CLCA2: variants seen among roughly 807,000 people sequenced by gnomAD.
The protein encoded by CLCA2 is chloride channel accessory 2, also known as calcium-activated chloride channel regulator 2.
CLCA2 carries 85 observed loss-of-function variants against 82.9 expected under a neutral mutation model. That is an observed-to-expected ratio of 1.03 (90% confidence interval 0.86 to 1.23). The LOEUF (loss-of-function observed/expected upper bound fraction) is 1.23, where lower values mean the gene tolerates loss of function less well. Ranked by LOEUF, CLCA2 falls within the 50% of genes most tolerant of loss-of-function variation. The pLI is 0.00. For missense variants in CLCA2, 1,089 were observed against 1,124.8 expected, an observed-to-expected ratio of 0.97 and a Z score of 0.45; for synonymous variants, 421 against 391.7, an observed-to-expected ratio of 1.07 and a Z score of -0.88.
At chr1:86,434,398 C>A in intron 5 of CLCA2, 120 bp from the exon 6 acceptor site, 6 of 747,258 alleles carry the variant, frequency 8.0e-6, no homozygotes, top group South Asian at 1.8e-5. Flanking sequence ...ATCACTGTAC[C>A]ACTTTTGATT....
chr1:86,425,370 T>C lies in CLCA2; in HGVS notation c.218T>C (p.Phe73Ser), dbSNP rs751723158. 1.3e-6 allele frequency: 2 copies of C among 1,572,560 alleles called. No homozygotes were observed. Among genetic ancestry groups the C allele is most frequent in the Non-Finnish European group, 1.7e-6 (2 of 1,160,076 alleles). Residue 73 changes from phenylalanine to serine, a missense_variant, in exon 2 of 14, where the codon TTT becomes TCT. Transcript: ENST00000370565. ...ATAACTGAAGCTTCATTTTACCTAT[T>C]TAATGCTACCAAGAGAAGAGTATTT... ...EMITEASFYL[F>S]NATKRRVFFR...
rs781734087 is a variant in CLCA2 at position 86,430,975 on chromosome 1, G to C, written c.584+5G>C. On this transcript the variant is annotated splice_donor_5th_base_variant and intron_variant, in intron 4 of 13. Coordinates refer to ENST00000370565, the MANE Select transcript of CLCA2 (RefSeq NM_006536.7). ...AAATCAAATTAAAGTGACAAGGTTA[G>C]TACTTTTTTTCATGTTATAATTCAT... 1 of 1,584,382 alleles carries C rather than the reference G, an allele frequency of 6.3e-7. No homozygotes were observed. Among genetic ancestry groups the C allele is most frequent in the Non-Finnish European group, 8.6e-7 (1 of 1,156,750 alleles).
At chr1:86,424,959 T>C (rs2101686773) in intron 1 of CLCA2, among the ~76,000 whole-genome samples, 1 of 152,292 alleles carries the variant, frequency 6.6e-6, no homozygotes, top group African/African-American at 2.4e-5. Flanking sequence ...GGGAGGATCA[T>C]AGCTCTATGA....
chr1:86,452,393 G>A (rs1662990659), intron 12 of CLCA2, among the ~76,000 whole-genome samples: 2 of 151,806 alleles, frequency 1.3e-5, no homozygotes, highest in Non-Finnish European at 2.9e-5. Flanking sequence ...TGCTTGCTGT[G>A]CTTTAATTCA....
rs768834782 is a variant in CLCA2 at position 86,440,200 on chromosome 1, C to T, written c.1256C>T (p.Thr419Ile). 2.5e-6 allele frequency: 4 copies of T among 1,614,058 alleles called. No individual in the cohort carries two copies. The highest frequency in any genetic ancestry group is 2.5e-6 in the Non-Finnish European group (3 of 1,179,980). Reference sequence around the variant, plus strand: ...TATGGCTCTGTGATGATATTAGTGACCAGCGGAGATGATAAGCTTCTTGGC... The same window carrying T: ...TATGGCTCTGTGATGATATTAGTGATCAGCGGAGATGATAAGCTTCTTGGC... Reference protein sequence around the residue: ...KAYGSVMILVTSGDDKLLGNC... With the variant: ...KAYGSVMILVISGDDKLLGNC... The change falls in exon 8 of 14, where the codon ACC becomes ATC. Residue 419 changes from threonine to isoleucine, a missense_variant. By Grantham distance (89) the Thr-to-Ile change is moderately conservative. Coordinates refer to ENST00000370565, the MANE Select transcript of CLCA2 (RefSeq NM_006536.7).
chr1:86,425,381 A>G lies in CLCA2; in HGVS notation c.229A>G (p.Lys77Glu). 1 of 1,579,810 alleles carries G rather than the reference A, an allele frequency of 6.3e-7. No homozygotes were observed. Among genetic ancestry groups the G allele is most frequent in the South Asian group, 1.2e-5 (1 of 83,922 alleles). The change falls in exon 2 of 14, where the codon AAG becomes GAG. Residue 77 changes from lysine to glutamate, a missense_variant. Coordinates refer to ENST00000370565, the MANE Select transcript of CLCA2 (RefSeq NM_006536.7). Reference protein sequence around the residue: ...EASFYLFNATKRRVFFRNIKI... With the variant: ...EASFYLFNATERRVFFRNIKI... Reference sequence around the variant, plus strand: ...TTCATTTTACCTATTTAATGCTACCAAGAGAAGAGTATTTTTCAGAAATAT... The same window carrying G: ...TTCATTTTACCTATTTAATGCTACCGAGAGAAGAGTATTTTTCAGAAATAT...
intron 7 of CLCA2, 78 bp from the exon 8 acceptor site, chr1:86,440,070 G>C: frequency 7.0e-7 from 1 of 1,432,388 alleles, no homozygotes; most frequent in Non-Finnish European, 9.7e-7. Context: ...GTGGGAATTT[G>C]GATGAGAGTG....
At chr1:86,454,800 C>CA (rs1553185548) in intron 13 of CLCA2, among the ~76,000 whole-genome samples, 32 of 149,004 alleles carry the variant, frequency 2.1e-4, no homozygotes, top group African/African-American at 7.4e-4. Context: ...TCAAACAAAA[C>CA]AAAACAAAAA....
chr1:86,440,358 C>T (rs1236673528), intron 8 of CLCA2, 33 bp downstream of exon 8: 1 of 1,584,214 alleles, frequency 6.3e-7, no homozygotes, highest in Non-Finnish European at 8.6e-7. Flanking sequence ...TCTTTTGGAG[C>T]ATGTCCCTTT....
At chr1:86,455,008 C>A (rs1041161365) in intron 13 of CLCA2, 77 bp from the exon 14 acceptor site, 2 of 826,818 alleles carry the variant, frequency 2.4e-6, no homozygotes, top group Admixed American at 3.4e-5. Flanking sequence ...TGTTGCTGTT[C>A]TCATTAGTAA....
chr1:86,434,461 A>C (rs564742773), intron 5 of CLCA2, 57 bp from the exon 6 acceptor site: 15 of 1,424,674 alleles, frequency 1.1e-5, no homozygotes, highest in Non-Finnish European at 1.5e-5. Flanking sequence ...GAGAATGAGA[A>C]CTATGTTTGC....
intron 4 of CLCA2, 120 bp downstream of exon 4, chr1:86,431,090 C>A: frequency 1.5e-6 from 1 of 658,354 alleles, no homozygotes; most frequent in Non-Finnish European, 2.6e-6. Context: ...TAAAACTTAG[C>A]TGATAAGAAA....
At position 86,432,382 on chromosome 1, in the gene CLCA2, A is replaced by G; in HGVS notation, c.598A>G (p.Ile200Val). 2 of 1,613,826 alleles carry G rather than the reference A, an allele frequency of 1.2e-6. No individual in the cohort carries two copies. Among genetic ancestry groups the G allele is most frequent in the African/African-American group, 2.7e-5 (2 of 75,016 alleles). ...QIKVTRCSSD[I>V]TGIFVCEKGP... ...TTCCATTTTTAGGTGTTCATCTGACATCACAGGCATTTTTGTGTGTGAAAA... is the reference window on the plus strand; with the variant it reads ...TTCCATTTTTAGGTGTTCATCTGACGTCACAGGCATTTTTGTGTGTGAAAA... Residue 200 changes from isoleucine (I) to valine (V), a missense_variant, in exon 5 of 14, where the codon ATC becomes GTC. Physicochemically the swap from Ile to Val is conservative, Grantham distance 29. Transcript: ENST00000370565.
Position 86,432,396 on chromosome 1 carries a change from T to C in CLCA2, c.612T>C (p.Phe204=), listed in dbSNP as rs759535673. The change falls in exon 5 of 14, where the codon TTT becomes TTC. Residue 204 remains phenylalanine (F), a synonymous_variant. Coordinates refer to ENST00000370565, the MANE Select transcript of CLCA2 (RefSeq NM_006536.7). ...GTTCATCTGACATCACAGGCATTTT[T>C]GTGTGTGAAAAAGGTCCTTGCCCCC... is the stretch of plus-strand genomic sequence containing the variant. ...TRCSSDITGI[F]VCEKGPCPQE... is the part of the protein sequence containing the mutation. 7 of 1,613,852 alleles carry C rather than the reference T, an allele frequency of 4.3e-6. No homozygotes were observed. In the South Asian group the frequency reaches 5.5e-5, roughly 13 times the overall value.
chr1:86,433,550 G>C (rs1335847266), intron 5 of CLCA2, among the ~76,000 whole-genome samples: 3 of 152,026 alleles, frequency 2.0e-5, no homozygotes, highest in Non-Finnish European at 4.4e-5. Context: ...CATTATTTAT[G>C]ACTAGGTACT....
At position 86,447,546 on chromosome 1, in the gene CLCA2, T is replaced by C; in HGVS notation, c.1752T>C (p.His584=). 6.2e-7 allele frequency: 1 copy of C among 1,614,170 alleles called. No individual in the cohort carries two copies. The highest frequency in any genetic ancestry group is 8.5e-7 in the Non-Finnish European group (1 of 1,180,010). ...CTTACACCCTGAACAATACCCATCA[T>C]TCTCTGCAAGCCCTGAAAGTGACAG... The part of the protein sequence containing the change: ...HWTYTLNNTH[H]SLQALKVTVT... The change falls in exon 11 of 14, where the codon CAT becomes CAC. Residue 584 remains histidine (H), a synonymous_variant. Coordinates refer to ENST00000370565, the MANE Select transcript of CLCA2 (RefSeq NM_006536.7).
chr1:86,429,638 G>A (rs773176245), intron 3 of CLCA2, among the ~76,000 whole-genome samples: 16 of 152,156 alleles, frequency 1.1e-4, no homozygotes, highest in Non-Finnish European at 1.9e-4. Flanking sequence ...GGAGAAAATA[G>A]TAAGCACAGT....
rs144305638 is a variant in CLCA2, at chr1:86,434,669, C to T, written c.896C>T (p.Pro299Leu). The T allele has an allele frequency of 1.2e-6, 2 of 1,614,110 alleles. No individual in the cohort carries two copies. Among genetic ancestry groups the T allele is most frequent in the Non-Finnish European group, 1.7e-6 (2 of 1,179,980 alleles). Residue 299 changes from proline to leucine, a missense_variant, in exon 6 of 14, where the codon CCT becomes CTT. By Grantham distance (98) the Pro-to-Leu change is moderately conservative. Coordinates refer to ENST00000370565, the MANE Select transcript of CLCA2 (RefSeq NM_006536.7). ...ATGAATGGGACTGAGCTTCCACCTC[C>T]TCCCACATTCTCGCTTGTACAGGCT... ...FPMNGTELPP[P>L]PTFSLVQAGD... is the part of the protein sequence containing the mutation.
intron 1 of CLCA2, among the ~76,000 whole-genome samples, chr1:86,424,762 AT>A (rs1662357183): frequency 6.6e-6 from 1 of 152,220 alleles, no homozygotes; most frequent in African/African-American, 2.4e-5. Context: ...AAGATTGAAT[AT>A]TTAACTGATG....
Sources: gnomAD v4.1 joint callset for allele counts (sites outside exome capture counted in the v4.1 genomes callset) on GRCh38, gnomAD v4.1.1 for gene constraint, MANE v1.5 for transcripts, NCBI Gene and HGNC (gene_info 2026-07-23, HGNC 2026-07-21) for gene names.